AMBRA1: variants seen among roughly 807,000 people sequenced by gnomAD.
The protein encoded by AMBRA1 is autophagy and beclin 1 regulator 1, also known as activating molecule in BECN1-regulated autophagy protein 1.
AMBRA1 carries 47 observed loss-of-function variants against 125.4 expected under a neutral mutation model. That is an observed-to-expected ratio of 0.37 (90% CI 0.30 to 0.48). The LOEUF is 0.48. AMBRA1 is among the 20% of genes least tolerant of loss of function. The pLI is 0.99. For synonymous variants in AMBRA1, 626 were observed against 655.5 expected, an observed-to-expected ratio of 0.95 and a Z score of 0.69; for missense variants, 1,331 against 1,693.4, an observed-to-expected ratio of 0.79 and a Z score of 3.76.
chr11:46,520,591 T>C (rs1252935813), intron 7 of AMBRA1, among the ~76,000 whole-genome samples: 1 of 150,992 alleles, frequency 6.6e-6, no homozygotes, highest in East Asian at 1.9e-4. Flanking sequence ...CATTTTGTTT[T>C]TCTTTTCTTT....
chr11:46,433,399 C>A, intron 14 of AMBRA1, 75 bp downstream of exon 14: 1 of 1,540,504 alleles, frequency 6.5e-7, no homozygotes, highest in Non-Finnish European at 8.8e-7. Context: ...TGGGAGGTCA[C>A]ACCACTGTCC....
At chr11:46,570,396 A>T (rs887995653) in intron 1 of AMBRA1, among the ~76,000 whole-genome samples, 1 of 152,102 alleles carries the variant, frequency 6.6e-6, no homozygotes, top group Non-Finnish European at 1.5e-5. Flanking sequence ...TCTTTTCAGC[A>T]GAAAATGACA....
At chr11:46,423,937 A>AT (rs1210521022) in intron 14 of AMBRA1, among the ~76,000 whole-genome samples, 1 of 150,832 alleles carries the variant, frequency 6.6e-6, no homozygotes, top group East Asian at 2.0e-4. Context: ...TTAATTTTGT[A>AT]TTTTTAGTAG....
At chr11:46,445,084 A>AAAAAAAAAAAAAAAAC (rs1948216074) in intron 11 of AMBRA1, among the ~76,000 whole-genome samples, 1 of 151,522 alleles carries the variant, frequency 6.6e-6, no homozygotes, top group Non-Finnish European at 1.5e-5. Flanking sequence ...AAAAAAAAAA[A>AAAAAAAAAAAAAAAAC]CAAAAAAAAA....
chr11:46,569,437 AAAAATAT>A (rs1232221724), intron 1 of AMBRA1, among the ~76,000 whole-genome samples: 8 of 135,440 alleles, frequency 5.9e-5, no homozygotes, highest in Non-Finnish European at 1.1e-4. Context: ...TTAAAAAAAA[AAAAATAT>A]ATATATATAT....
chr11:46,517,146 CTTTT>C (rs369058163), intron 7 of AMBRA1, among the ~76,000 whole-genome samples: 1 of 122,024 alleles, frequency 8.2e-6, no homozygotes. Context: ...TACTCAAAAG[CTTTT>C]TTTTTTTTTT....
At chr11:46,499,941 C>T (rs886756534) in intron 9 of AMBRA1, among the ~76,000 whole-genome samples, 1 of 152,154 alleles carries the variant, frequency 6.6e-6, no homozygotes, top group Non-Finnish European at 1.5e-5. Context: ...CATGAGCCAC[C>T]GCCCCCGGCT....
intron 1 of AMBRA1, among the ~76,000 whole-genome samples, chr11:46,563,094 T>G (rs1216668874): frequency 6.6e-6 from 1 of 152,174 alleles, no homozygotes; most frequent in East Asian, 1.9e-4. Flanking sequence ...CTGCTTCCTA[T>G]TCTTAAATAA....
chr11:46,558,121 C>G (rs769034025), intron 1 of AMBRA1, among the ~76,000 whole-genome samples: 4 of 152,176 alleles, frequency 2.6e-5, no homozygotes, highest in Admixed American at 6.5e-5. Context: ...TGATGTTACA[C>G]AGGGGAGAAG....
At chr11:46,399,074 ATATT>A (rs1466650033) in intron 17 of AMBRA1, among the ~76,000 whole-genome samples, 13 of 150,638 alleles carry the variant, frequency 8.6e-5, no homozygotes, top group African/African-American at 2.9e-4. Flanking sequence ...ACGCCTGGCC[ATATT>A]TATTTATTTT....
intron 17 of AMBRA1, among the ~76,000 whole-genome samples, chr11:46,406,316 GT>G (rs1946015827): frequency 7.2e-6 from 1 of 137,976 alleles, no homozygotes. Context: ...GCCTCCCAAA[GT>G]TGCTAGAATT....
At chr11:46,450,069 A>C (rs998066739) in intron 11 of AMBRA1, among the ~76,000 whole-genome samples, 3 of 152,114 alleles carry the variant, frequency 2.0e-5, no homozygotes, top group Admixed American at 6.5e-5. Context: ...AAAAAAAAAA[A>C]AAAACAACTA....
In AMBRA1 at chr11:46,508,214, G is replaced by A. The variant is rs778551078; in HGVS notation, c.2316C>T (p.Thr772=). The A allele has an allele frequency of 1.9e-5, 30 of 1,614,014 alleles. No individual in the cohort carries two copies. In the Admixed American group the frequency reaches 3.0e-4, roughly 16 times the overall value. The change falls in exon 9 of 18, where the codon ACC becomes ACT. Residue 772 remains threonine, a synonymous_variant. Transcript: ENST00000683756. ...ACTCAAAGTCCTCAAATTCCAAGTC[G>A]GTTCCCTCTACTGATGGACCCTGGT... is the stretch of plus-strand genomic sequence containing the variant. ...SDNQGPSVEG[T]DLEFEDFEDN...
chr11:46,502,080 CT>C (rs894829784), intron 9 of AMBRA1, among the ~76,000 whole-genome samples: 4 of 151,088 alleles, frequency 2.6e-5, no homozygotes, highest in Non-Finnish European at 5.9e-5. Context: ...CATTTTCTTT[CT>C]TTTTTTTTGT....
At chr11:46,504,033 T>TCC (rs1364987384) in intron 9 of AMBRA1, among the ~76,000 whole-genome samples, 1 of 152,162 alleles carries the variant, frequency 6.6e-6, no homozygotes, top group Non-Finnish European at 1.5e-5. Context: ...AATGTAATTA[T>TCC]CCAGTGGCTA....
At chr11:46,476,981 C>T (rs1418210771) in intron 11 of AMBRA1, among the ~76,000 whole-genome samples, 7 of 151,942 alleles carry the variant, frequency 4.6e-5, no homozygotes, top group East Asian at 1.9e-4. Flanking sequence ...TGGTGGCGCA[C>T]GCCTGTAACC....
chr11:46,451,485 TTCTC>T, intron 11 of AMBRA1, among the ~76,000 whole-genome samples: 1 of 152,278 alleles, frequency 6.6e-6, no homozygotes, highest in Admixed American at 6.5e-5. Flanking sequence ...GCTTCACAGC[TTCTC>T]TCTAAGATTT....
At chr11:46,522,636 T>A (rs1254268997) in intron 7 of AMBRA1, among the ~76,000 whole-genome samples, 1 of 152,218 alleles carries the variant, frequency 6.6e-6, no homozygotes, top group African/African-American at 2.4e-5. Flanking sequence ...AATTCACTGA[T>A]TTCCCCCTGG....
chr11:46,588,428 T>C (rs147040384), intron 1 of AMBRA1, among the ~76,000 whole-genome samples: 65 of 152,052 alleles, frequency 4.3e-4, no homozygotes, highest in African/African-American at 1.5e-3. Flanking sequence ...AATTGAAGAG[T>C]ACTTTATCCT....
Sources: gnomAD v4.1 joint callset for allele counts (sites outside exome capture counted in the v4.1 genomes callset) on GRCh38, gnomAD v4.1.1 for gene constraint, MANE v1.5 for transcripts, NCBI Gene and HGNC (gene_info 2026-07-23, HGNC 2026-07-21) for gene names.